Variants in COL18A1 observed in about 807,000 individuals in gnomAD.
COL18A1 encodes collagen type XVIII alpha 1 chain.
A neutral mutation model predicts 168.0 loss-of-function variants in COL18A1; 133 were observed. The observed-to-expected ratio is 0.79, with a 90% CI of 0.69 to 0.91. The LOEUF is 0.91. COL18A1 is among the 40% of genes least tolerant of loss of function. The pLI, the probability that COL18A1 is intolerant of heterozygous loss-of-function variation, is 0.00. For synonymous variants in COL18A1, 949 were observed against 809.0 expected (o/e 1.17, Z -2.94); for missense variants, 2,126 against 1,925.4 (o/e 1.10, Z -1.95).
rs1367709793 is a variant in COL18A1 at position 45,511,306 on chromosome 21, C to T, written c.3809+80C>T. On this transcript the variant is annotated intron_variant, in intron 41 of 41. Transcript: ENST00000651438. ...GCGGGCGGGCTCCTATCTGCAGTTTCCCCCCGAGTTTTTGGACAAATCTTA... is the reference window on the plus strand; with the variant it reads ...GCGGGCGGGCTCCTATCTGCAGTTTTCCCCCGAGTTTTTGGACAAATCTTA... 9.3e-6 allele frequency: 7 copies of T among 755,918 alleles called. No homozygotes were observed. The Admixed American group carries it at 1.2e-4, about 13-fold the overall frequency. 46.8% of individuals were successfully genotyped at this position (755,918 alleles called of 1,614,324 possible). A position where few individuals can be genotyped will look rare whatever the true frequency, so the allele number is the denominator to read the frequency against.
rs755070737 is a variant in COL18A1, at chr21:45,477,903, G to A, written c.1159G>A (p.Gly387Arg). ...AGGCCCAGCGTTGCAAACTGTCCCCGGACCACAAGGACCCCCAGGGCCTCC... is the reference window on the plus strand; with the variant it reads ...AGGCCCAGCGTTGCAAACTGTCCCCAGACCACAAGGACCCCCAGGGCCTCC... ...PAGPALQTVPGPQGPPGPPGR... is the reference protein window; with the variant it reads ...PAGPALQTVPRPQGPPGPPGR... Residue 387 changes from glycine (G) to arginine (R), a missense_variant, in exon 8 of 42, where the codon GGA becomes AGA. By Grantham distance (125) the Gly-to-Arg change is moderately radical (BLOSUM62 -2). Coordinates refer to ENST00000651438, the MANE Select transcript of COL18A1 (RefSeq NM_001379500.1). 217 of 1,565,104 alleles carry A rather than the reference G, an allele frequency of 1.4e-4. 1 individual carries two copies. The East Asian group carries it at 4.5e-3, about 32-fold the overall frequency.
At chr21:45,474,479 CTG>C (rs72184921) in intron 4 of COL18A1, among the ~76,000 whole-genome samples, 32,628 of 142,896 alleles carry the variant, frequency 0.23, 4,895 homozygotes, top group African/African-American at 0.44. Context: ...TGGTGTGTCT[CTG>C]TGTGTGTGGT....
chr21:45,449,321 T>C (rs1569294899), intron 2 of COL18A1, among the ~76,000 whole-genome samples: 1 of 152,068 alleles, frequency 6.6e-6, no homozygotes, highest in Non-Finnish European at 1.5e-5. Flanking sequence ...GTGCTTGGCA[T>C]TAATTTAGGA....
chr21:45,425,312 C>T lies in COL18A1; in HGVS notation c.106+19839C>T, dbSNP rs963895384. ...GTGTGTGCTGTGAGTGCAGTGTGAC[C>T]GCGTCCACCTGTCTCCCTGGACACG... On this transcript the variant is annotated intron_variant, in intron 2 of 41. Transcript: ENST00000651438. The surrounding 1 kb of genome is among the most constrained non-coding windows in gnomAD (Gnocchi z 4.1). 1.1e-4 allele frequency among the ~76,000 whole-genome samples: 16 copies of T among 152,210 alleles called. No individual in the cohort carries two copies. The highest frequency in any genetic ancestry group is 3.6e-4 in the African/African-American group (15 of 41,518).
At chr21:45,496,878 A>AG (rs2036561115) in intron 30 of COL18A1, among the ~76,000 whole-genome samples, 172 bp from the exon 31 acceptor site, 1 of 152,206 alleles carries the variant, frequency 6.6e-6, no homozygotes, top group Admixed American at 6.5e-5. Context: ...AAGTGGCGTC[A>AG]GGCCGTGGCT....
At chr21:45,418,008 G>A (rs983691098) in intron 2 of COL18A1, among the ~76,000 whole-genome samples, 4 of 152,236 alleles carry the variant, frequency 2.6e-5, no homozygotes, top group African/African-American at 7.2e-5. Context: ...TCCTGCTGCC[G>A]CAGGAACCGA....
chr21:45,482,951 C>T (rs936786829), intron 15 of COL18A1, 130 bp downstream of exon 15: 6 of 1,336,050 alleles, frequency 4.5e-6, no homozygotes, highest in African/African-American at 1.5e-5. Flanking sequence ...GACCCCCACT[C>T]CTGCCATCTG....
At chr21:45,469,494 G>A (rs1050695157) in intron 3 of COL18A1, among the ~76,000 whole-genome samples, 20 of 152,350 alleles carry the variant, frequency 1.3e-4, no homozygotes, top group South Asian at 4.1e-4. Flanking sequence ...GTCCCCCAGC[G>A]GTGAACGCAC....
rs1286696335 is a variant in COL18A1 at position 45,505,110 on chromosome 21, A to G, written c.2869-24A>G. Reference sequence around the variant, plus strand: ...AGTCCAGGGCACGAGGTAACCAGGAAGCGTCTCTTGTCGCCGTCCGTAGGG... The same window carrying G: ...AGTCCAGGGCACGAGGTAACCAGGAGGCGTCTCTTGTCGCCGTCCGTAGGG... On this transcript the variant is annotated intron_variant, in intron 34 of 41. Transcript: ENST00000651438. 9 of 1,604,256 alleles carry G rather than the reference A, an allele frequency of 5.6e-6. No individual in the cohort carries two copies. In the Admixed American group the frequency reaches 8.4e-5, roughly 15 times the overall value.
At chr21:45,477,303 G>A in intron 6 of COL18A1, 108 bp from the exon 7 acceptor site, 1 of 825,322 alleles carries the variant, frequency 1.2e-6, no homozygotes, top group Non-Finnish European at 2.0e-6. Context: ...GTCCAGCCGG[G>A]CTCCAGGACT....
chr21:45,458,960 A>G (rs2034946423), intron 2 of COL18A1, among the ~76,000 whole-genome samples: 1 of 152,206 alleles, frequency 6.6e-6, no homozygotes, highest in Non-Finnish European at 1.5e-5. Context: ...AATTTCTGCA[A>G]CTGCAGCTGG....
chr21:45,488,604 A>G (rs913799285), intron 18 of COL18A1, among the ~76,000 whole-genome samples, 160 bp downstream of exon 18: 1 of 152,200 alleles, frequency 6.6e-6, no homozygotes, highest in Non-Finnish European at 1.5e-5. Flanking sequence ...AAAGCCTGAC[A>G]GGGAAATAAT....
intron 4 of COL18A1, 26 bp from the exon 5 acceptor site, chr21:45,475,450 A>G: frequency 6.3e-7 from 1 of 1,579,158 alleles, no homozygotes; most frequent in Non-Finnish European, 8.6e-7. Flanking sequence ...CCATCTCTCC[A>G]GCCTTTCCCT....
intron 14 of COL18A1, 111 bp downstream of exon 14, chr21:45,482,136 C>T: frequency 2.5e-6 from 2 of 812,792 alleles, no homozygotes; most frequent in South Asian, 3.0e-5. Context: ...GAATAGCCCC[C>T]CATCACAGCC....
At chr21:45,470,993 C>CGT (rs1484222770) in intron 3 of COL18A1, among the ~76,000 whole-genome samples, 2 of 130,020 alleles carry the variant, frequency 1.5e-5, no homozygotes, top group Admixed American at 7.7e-5. Context: ...CTACAGGCTT[C>CGT]GTGCTGCTGG....
At position 45,510,141 on chromosome 21, in the gene COL18A1, G is replaced by GTGCTTC; in HGVS notation, c.3573_3574insTGCTTC (p.Gln1191_Gln1192insCysPhe). ...GCGGGGCCGACTTCCAGTGCTTCCA[G>GTGCTTC]CAGGCGCGGGCCGTGGGGCTGGCGG... is the stretch of plus-strand genomic sequence containing the variant. On this transcript the variant is annotated inframe_insertion, in exon 40 of 42. Transcript: ENST00000651438. 6.3e-7 allele frequency: 1 copy of GTGCTTC among 1,599,354 alleles called. No individual in the cohort carries two copies. Among genetic ancestry groups the GTGCTTC allele is most frequent in the Non-Finnish European group, 8.5e-7 (1 of 1,173,926 alleles).
In COL18A1 at chr21:45,446,144, G is replaced by A. The variant is rs147332715; in HGVS notation, c.107-22098G>A. 3.9e-3 allele frequency among the ~76,000 whole-genome samples: 591 copies of A among 152,230 alleles called. 7 individuals are homozygous for A. The Middle Eastern group carries it at 0.044, about 11-fold the overall frequency. The stretch of plus-strand genomic sequence containing the variant: ...TAGGGATCCAGCTTCGCCCTTTTGC[G>A]TGTATCTGTTCGTTGGCCCAGCACC... On this transcript the variant is annotated intron_variant, in intron 2 of 41. Coordinates refer to ENST00000651438, the MANE Select transcript of COL18A1 (RefSeq NM_001379500.1).
intron 9 of COL18A1, among the ~76,000 whole-genome samples, chr21:45,479,416 T>C (rs900477317): frequency 1.3e-5 from 2 of 148,250 alleles, no homozygotes; most frequent in Non-Finnish European, 3.0e-5. Context: ...CGTGCACACA[T>C]CACACGTGGA....
chr21:45,497,069 GC>G lies in COL18A1; in HGVS notation c.2601del (p.Pro869LeufsTer40). 1.9e-6 allele frequency: 3 copies of G among 1,601,188 alleles called. No individual in the cohort carries two copies. Among genetic ancestry groups the G allele is most frequent in the Non-Finnish European group, 8.5e-7 (1 of 1,174,464 alleles). ...TTGCAGGTGTTTGCTGAGTCCAGCC[GC>G]CCCGGGCCTCCAGGATTGCCAGGTG... ...YDSNVFAESS[R>X]PGPPGLPGNQ... On this transcript the variant is annotated frameshift_variant, in exon 31 of 42. Transcript: ENST00000651438. LOFTEE classifies it high-confidence loss of function.
Sources: gnomAD v4.1 joint callset for allele counts (sites outside exome capture counted in the v4.1 genomes callset) on GRCh38, gnomAD v4.1.1 for gene constraint, Gnocchi (gnomAD v3.1) non-coding constraint, MANE v1.5 for transcripts, NCBI Gene and HGNC (gene_info 2026-07-23, HGNC 2026-07-21) for gene names.